GALNT17: variants seen among roughly 807,000 people sequenced by gnomAD.
The protein encoded by GALNT17 is polypeptide N-acetylgalactosaminyltransferase 17, also known as UDP-GalNAc:polypeptide N-acetylgalactosaminyltransferase-like 3.
In GALNT17, 29 loss-of-function variants were observed where a neutral mutation model predicts 63.7. The ratio of observed to expected loss-of-function variants is 0.46; its 90% confidence interval spans 0.34 to 0.62. The LOEUF (loss-of-function observed/expected upper bound fraction) is 0.62, where lower values mean the gene tolerates loss of function less well. GALNT17 is among the 20% of genes least tolerant of loss of function. GALNT17 has a pLI of 0.01. For missense variants in GALNT17, 603 were observed against 799.6 expected (o/e 0.75, Z 2.97); for synonymous variants, 305 against 318.3 (o/e 0.96, Z 0.45).
intron 1 of GALNT17, among the ~76,000 whole-genome samples, chr7:71,316,972 G>A (rs1029750754): frequency 6.6e-6 from 1 of 152,106 alleles, no homozygotes; most frequent in Non-Finnish European, 1.5e-5. Flanking sequence ...TTTCAGAGGT[G>A]GAGGATAACT....
rs560835033 is a variant in GALNT17 at position 71,544,839 on chromosome 7, T to C, written c.963-26446T>C. Among the ~76,000 whole-genome samples, 8 of 130,890 alleles carry C rather than the reference T, an allele frequency of 6.1e-5. No individual in the cohort carries two copies. The South Asian group carries it at 1.6e-3, about 27-fold the overall frequency. The allele number at this position is 130,890 out of a possible 152,430, so 85.9% of individuals were successfully genotyped here. ...ATTTTGTGCAAGTTTCTTACATCTT[T>C]CTGAGCTTTAGTTTTTTTTTTTTTC... On this transcript the variant is annotated intron_variant, in intron 5 of 10. Transcript: ENST00000333538.
chr7:71,264,281 A>G (rs1428312293), intron 1 of GALNT17, among the ~76,000 whole-genome samples: 1 of 152,142 alleles, frequency 6.6e-6, no homozygotes, highest in Non-Finnish European at 1.5e-5. Flanking sequence ...GCTGAAGGAC[A>G]CAACCCTTTA....
chr7:71,509,040 T>C (rs927128235), intron 5 of GALNT17, among the ~76,000 whole-genome samples: 3 of 152,192 alleles, frequency 2.0e-5, no homozygotes, highest in Non-Finnish European at 4.4e-5. Context: ...ACTTAAAAAT[T>C]GTTTGCCTTA....
intron 1 of GALNT17, among the ~76,000 whole-genome samples, chr7:71,321,619 T>TCCCTTCCTTCCTTCC (rs1791606977): frequency 9.5e-6 from 1 of 105,358 alleles, no homozygotes; most frequent in Non-Finnish European, 1.9e-5. Flanking sequence ...CCTCCCTCCC[T>TCCCTTCCTTCCTTCC]TTTTTTGAGA....
chr7:71,566,068 T>G lies in GALNT17; in HGVS notation c.963-5217T>G, dbSNP rs552546594. Among the ~76,000 whole-genome samples the G allele has an allele frequency of 2.0e-5, 3 of 151,886 alleles. No individual in the cohort carries two copies. The South Asian group carries it at 6.2e-4, about 32-fold the overall frequency. On this transcript the variant is annotated intron_variant, in intron 5 of 10. Transcript: ENST00000333538. The stretch of plus-strand genomic sequence containing the variant: ...TGTTTGTTTGTAGTAGAGACAGGGA[T>G]TTTCCCATGTTGGCCAGGCTGGTCT...
chr7:71,380,348 A>T (rs1247737002), intron 2 of GALNT17, among the ~76,000 whole-genome samples: 1 of 152,014 alleles, frequency 6.6e-6, no homozygotes, highest in Non-Finnish European at 1.5e-5. Context: ...TATTATTATT[A>T]TTTTTGAAAC....
rs1583977930 is a variant in GALNT17 at position 71,465,480 on chromosome 7, A to G, written c.962+44375A>G. Reference sequence around the variant, plus strand: ...ATAACTTTATTCAACCTACTTAAGCATCACTCTCTTGAGCAAGACGTTGCC... The same window carrying G: ...ATAACTTTATTCAACCTACTTAAGCGTCACTCTCTTGAGCAAGACGTTGCC... On this transcript the variant is annotated intron_variant, in intron 5 of 10. Transcript: ENST00000333538. 2.0e-5 allele frequency among the ~76,000 whole-genome samples: 3 copies of G among 152,350 alleles called. No homozygotes were observed. The East Asian group carries it at 5.8e-4, about 29-fold the overall frequency.
At chr7:71,319,035 G>GT (rs1791551901) in intron 1 of GALNT17, among the ~76,000 whole-genome samples, 1 of 148,150 alleles carries the variant, frequency 6.7e-6, no homozygotes, top group African/African-American at 2.5e-5. Context: ...AGGTTTCTGG[G>GT]TTCCTTGGTG....
At chr7:71,705,025 A>G (rs1052734330) in intron 9 of GALNT17, among the ~76,000 whole-genome samples, 2 of 152,192 alleles carry the variant, frequency 1.3e-5, no homozygotes, top group Admixed American at 1.3e-4. Context: ...TATTTTACCA[A>G]AAAGAAAAAC....
At chr7:71,377,114 A>AAATATATATATATATATATATATATATAT in intron 2 of GALNT17, among the ~76,000 whole-genome samples, 1 of 57,486 alleles carries the variant, frequency 1.7e-5, no homozygotes, top group Non-Finnish European at 3.0e-5. Flanking sequence ...AAATAAAAAA[A>AAATATATATATATATATATATATATATAT]ATATATATAT....
chr7:71,705,999 T>G (rs1791718137), intron 9 of GALNT17, among the ~76,000 whole-genome samples: 1 of 151,974 alleles, frequency 6.6e-6, no homozygotes, highest in Non-Finnish European at 1.5e-5. Flanking sequence ...TGGGGCAAAC[T>G]TTGGACATTT....
intron 9 of GALNT17, among the ~76,000 whole-genome samples, chr7:71,683,733 C>T (rs868224723): frequency 1.3e-5 from 2 of 152,116 alleles, no homozygotes; most frequent in East Asian, 1.9e-4. Context: ...CAAGGCTGGG[C>T]GCACTGGCTC....
intron 2 of GALNT17, among the ~76,000 whole-genome samples, chr7:71,375,235 A>G (rs1471936698): frequency 6.6e-6 from 1 of 152,238 alleles, no homozygotes; most frequent in African/African-American, 2.4e-5. Flanking sequence ...TTCAGGGTCA[A>G]TGTCAGTAAA....
At position 71,484,385 on chromosome 7, in the gene GALNT17, G is replaced by A. The variant is rs1458361585; in HGVS notation, c.962+63280G>A. ...CACCTGTAATCCCAGCTACTCGGGT[G>A]GCTGAGGCAGGAGAATGGCTTGAAC... On this transcript the variant is annotated intron_variant, in intron 5 of 10. Coordinates refer to ENST00000333538, the MANE Select transcript of GALNT17 (RefSeq NM_022479.3). Among the ~76,000 whole-genome samples, 3 of 152,146 alleles carry A rather than the reference G, an allele frequency of 2.0e-5. No homozygotes were observed. In the East Asian group the frequency reaches 5.8e-4, roughly 29 times the overall value.
At chr7:71,158,866 C>T (rs777302887) in intron 1 of GALNT17, among the ~76,000 whole-genome samples, 5 of 151,964 alleles carry the variant, frequency 3.3e-5, no homozygotes, top group South Asian at 2.1e-4. Context: ...TGAGCCACCA[C>T]GCCCGGCAAT....
chr7:71,348,688 A>G (rs934832873), intron 2 of GALNT17, among the ~76,000 whole-genome samples: 16 of 152,210 alleles, frequency 1.1e-4, no homozygotes, highest in Non-Finnish European at 2.2e-4. Flanking sequence ...GATTTACAGT[A>G]CTGGCTGTTG....
intron 9 of GALNT17, among the ~76,000 whole-genome samples, chr7:71,710,245 C>A (rs191206046): frequency 6.6e-6 from 1 of 152,308 alleles, no homozygotes; most frequent in East Asian, 1.9e-4. Context: ...CGCCGTGGCT[C>A]ATGCCTGTAA....
chr7:71,471,232 A>G (rs1298065017), intron 5 of GALNT17, among the ~76,000 whole-genome samples: 3 of 151,858 alleles, frequency 2.0e-5, no homozygotes, highest in Non-Finnish European at 4.4e-5. Context: ...AGGTGCCACC[A>G]TATCCAGCTA....
chr7:71,303,188 G>A (rs867686283), intron 1 of GALNT17, among the ~76,000 whole-genome samples: 54 of 150,986 alleles, frequency 3.6e-4, no homozygotes, highest in African/African-American at 1.2e-3. Context: ...ACAGGTTCTC[G>A]CTGTGTTGCC....
Sources: allele counts gnomAD v4.1 joint callset (sites outside exome capture counted in the v4.1 genomes callset), GRCh38; gene constraint gnomAD v4.1.1; transcripts MANE v1.5; gene names NCBI Gene and HGNC (gene_info 2026-07-23, HGNC 2026-07-21).